Variants in ANLN observed in about 807,000 individuals in gnomAD.
ANLN encodes anillin, actin binding protein.
In ANLN, 59 loss-of-function variants were observed where a neutral mutation model predicts 135.1. That is an observed-to-expected ratio of 0.44 (90% CI 0.35 to 0.54). The LOEUF is 0.54. Ranked by LOEUF, ANLN falls within the 20% of genes least tolerant of loss-of-function variation. The pLI is 0.00. For missense variants in ANLN, 1,182 were observed against 1,340.0 expected (o/e 0.88, Z 1.84); for synonymous variants, 406 against 456.4 (o/e 0.89, Z 1.41).
At position 36,449,854 on chromosome 7, in the gene ANLN, A is replaced by G. The variant is rs369220471; in HGVS notation, c.3251+17A>G. ...TGTTACCAAGTATGTATTGGCCTAT[A>G]AATATTTCTATCAACTAAGCAATTG... is the stretch of plus-strand genomic sequence containing the variant. On this transcript the variant is annotated intron_variant, in intron 23 of 23. Coordinates refer to ENST00000265748, the MANE Select transcript of ANLN (RefSeq NM_018685.5). 3.1e-5 allele frequency: 50 copies of G among 1,605,724 alleles called. No homozygotes were observed. In the African/African-American group the frequency reaches 6.0e-4, roughly 19 times the overall value.
chr7:36,442,643 T>TA (rs1788820622), intron 21 of ANLN, among the ~76,000 whole-genome samples: 1 of 151,728 alleles, frequency 6.6e-6, no homozygotes, highest in African/African-American at 2.4e-5. Context: ...TTTTTATATA[T>TA]TTTTTTGAGA....
At position 36,420,203 on chromosome 7, in the gene ANLN, A is replaced by G; in HGVS notation, c.1904A>G (p.Asp635Gly). 1.9e-6 allele frequency: 3 copies of G among 1,614,064 alleles called. No individual in the cohort carries two copies. Among genetic ancestry groups the G allele is most frequent in the Non-Finnish European group, 1.7e-6 (2 of 1,179,962 alleles). ...LVSTPRLELK[D>G]TSRSDESPKP... Reference sequence around the variant, plus strand: ...TCCACACCTAGACTGGAATTGAAAGACACCAGCAGAAGTGATGAAAGTCCA... The same window carrying G: ...TCCACACCTAGACTGGAATTGAAAGGCACCAGCAGAAGTGATGAAAGTCCA... Residue 635 changes from aspartate (D) to glycine (G), a missense_variant, in exon 11 of 24, where the codon GAC becomes GGC. Around this residue, in one of 3 missense-constraint regions of ANLN, gnomAD observed 1,022 missense variants for 1,134.0 expected, o/e 0.90. Transcript: ENST00000265748.
rs7777303 is a variant in ANLN, at chr7:36,420,134, G to A, written c.1870-35G>A. 3,695 of 1,582,140 alleles carry A rather than the reference G, an allele frequency of 2.3e-3. 70 individuals are homozygous for A. In the African/African-American group the frequency reaches 0.043, roughly 18 times the overall value. On this transcript the variant is annotated intron_variant, in intron 10 of 23. Transcript: ENST00000265748. ...ACAGAATAAAATGAATTATCATTTA[G>A]GATCAATGTTAATATCTGATGCGTT...
At position 36,422,623 on chromosome 7, in the gene ANLN, T is replaced by C. The variant is rs1241560114; in HGVS notation, c.2300-10T>C. On this transcript the variant is annotated splice_polypyrimidine_tract_variant and intron_variant, in intron 13 of 23. Coordinates refer to ENST00000265748, the MANE Select transcript of ANLN (RefSeq NM_018685.5). ...TTTTAATATTTGGAATATTGCGTTG[T>C]TTTACATAGCTGGGAAGAGAACACT... The C allele has an allele frequency of 6.3e-7, 1 of 1,579,288 alleles. No individual in the cohort carries two copies. The highest frequency in any genetic ancestry group is 2.0e-5 in the Admixed American group (1 of 49,642).
At chr7:36,394,081 C>G (rs1786592649) in intron 1 of ANLN, among the ~76,000 whole-genome samples, 1 of 152,134 alleles carries the variant, frequency 6.6e-6, no homozygotes, top group Non-Finnish European at 1.5e-5. Flanking sequence ...TCAGCCACCC[C>G]ACCCCCCAGG....
intron 7 of ANLN, among the ~76,000 whole-genome samples, chr7:36,412,327 ATTT>A (rs1554343030): frequency 0.053 from 4,965 of 94,372 alleles, 114 homozygotes; most frequent in South Asian, 0.074. Context: ...ATATATATAT[ATTT>A]TTTTTTTTTT....
In ANLN at chr7:36,419,384, G is replaced by C; in HGVS notation, c.1774G>C (p.Ala592Pro). The C allele has an allele frequency of 6.2e-7, 1 of 1,614,152 alleles. No individual in the cohort carries two copies. Among genetic ancestry groups the C allele is most frequent in the Non-Finnish European group, 8.5e-7 (1 of 1,180,020 alleles). The change falls in exon 10 of 24, where the codon GCA becomes CCA. Residue 592 changes from alanine to proline, a missense_variant. Ala to Pro is a conservative substitution (Grantham distance 27). Around this residue, in one of 3 missense-constraint regions of ANLN, gnomAD observed 1,022 missense variants for 1,134.0 expected, o/e 0.90. Coordinates refer to ENST00000265748, the MANE Select transcript of ANLN (RefSeq NM_018685.5). ...KSQEEMDQALAESSEEQEDAL... is the reference protein window; with the variant it reads ...KSQEEMDQALPESSEEQEDAL... ...CCAAGAGGAGATGGATCAAGCATTA[G>C]CAGAAAGCAGCGAAGAACAGGAAGA...
Position 36,422,930 on chromosome 7 carries a change from G to A in ANLN, c.2476+121G>A, listed in dbSNP as rs192168860. 1,109 of 861,242 alleles carry A rather than the reference G, an allele frequency of 1.3e-3. 6 individuals carry two copies. The highest frequency in any genetic ancestry group is 2.5e-3 in the Admixed American group (88 of 35,400). 53.4% of individuals were successfully genotyped at this position (861,242 alleles called of 1,614,324 possible). A position where few individuals can be genotyped will look rare whatever the true frequency, so the allele number is the denominator to read the frequency against. On this transcript the variant is annotated intron_variant, in intron 14 of 23. Transcript: ENST00000265748. ...GCAAAGTTTGTATCTTTGGCCTTTA[G>A]GTCCTTTTATTGAGATATAATAAAA... is the stretch of plus-strand genomic sequence containing the variant.
At position 36,443,830 on chromosome 7, in the gene ANLN, T is replaced by C; in HGVS notation, c.3046T>C (p.Tyr1016His). Reference sequence around the variant, plus strand: ...TGTTCTTTCTGGAAACTGTATATCTTATTGGACTTATCCAGATGATGAGAA... The same window carrying C: ...TGTTCTTTCTGGAAACTGTATATCTCATTGGACTTATCCAGATGATGAGAA... ...WCVLSGNCISYWTYPDDEKRK... is the reference protein window; with the variant it reads ...WCVLSGNCISHWTYPDDEKRK... Residue 1016 changes from tyrosine to histidine, a missense_variant, in exon 22 of 24, where the codon TAT becomes CAT. Tyr to His is a moderately conservative substitution (Grantham distance 83, BLOSUM62 2). Transcript: ENST00000265748. 1 of 1,611,490 alleles carries C rather than the reference T, an allele frequency of 6.2e-7. No individual in the cohort carries two copies. Among genetic ancestry groups the C allele is most frequent in the Non-Finnish European group, 8.5e-7 (1 of 1,178,474 alleles).
chr7:36,406,959 A>G (rs1213529917), intron 4 of ANLN, among the ~76,000 whole-genome samples: 1 of 152,226 alleles, frequency 6.6e-6, no homozygotes, highest in African/African-American at 2.4e-5. Flanking sequence ...AATAGTAGCT[A>G]TAGTTGCCTC....
At chr7:36,430,953 CTT>C (rs1562811848) in intron 20 of ANLN, among the ~76,000 whole-genome samples, 1 of 152,124 alleles carries the variant, frequency 6.6e-6, no homozygotes, top group Non-Finnish European at 1.5e-5. Context: ...GGGTAGTAAA[CTT>C]GACGTTTTTG....
chr7:36,443,616 A>G, intron 21 of ANLN, 139 bp from the exon 22 acceptor site: 1 of 582,800 alleles, frequency 1.7e-6, no homozygotes, highest in Non-Finnish European at 3.1e-6. Context: ...AAGATAAAAG[A>G]CATGATAAAA....
At chr7:36,431,614 TATA>T (rs1196766160) in intron 20 of ANLN, among the ~76,000 whole-genome samples, 1,210 of 47,140 alleles carry the variant, frequency 0.026, 50 homozygotes, top group East Asian at 0.11. Context: ...TATATATATA[TATA>T]ATATATATAT....
chr7:36,419,190 C>T, intron 9 of ANLN, 54 bp from the exon 10 acceptor site: 2 of 1,337,242 alleles, frequency 1.5e-6, no homozygotes, highest in East Asian at 2.4e-5. Context: ...TTTGTTATGC[C>T]TTTAATTCTT....
In ANLN at chr7:36,424,666, T is replaced by A; in HGVS notation, c.2653-20T>A. The A allele has an allele frequency of 6.2e-7, 1 of 1,608,082 alleles. No individual in the cohort carries two copies. Among genetic ancestry groups the A allele is most frequent in the South Asian group, 1.1e-5 (1 of 89,296 alleles). On this transcript the variant is annotated intron_variant, in intron 16 of 23. Coordinates refer to ENST00000265748, the MANE Select transcript of ANLN (RefSeq NM_018685.5). ...ACAATATCAGATTATAAATTAATTA[T>A]GCTTTGGGTTTGTGCGTAGGTGCAA...
rs540386687 is a variant in ANLN at position 36,439,404 on chromosome 7, A to T, written c.2970+114A>T. On this transcript the variant is annotated intron_variant, in intron 21 of 23. Coordinates refer to ENST00000265748, the MANE Select transcript of ANLN (RefSeq NM_018685.5). ...TAAGTAATAAGTTGGTTCAGTAAAG[A>T]TTTGTTTTATGTCCTTTATATGCCA... is the stretch of plus-strand genomic sequence containing the variant. 4.6e-5 allele frequency: 30 copies of T among 648,712 alleles called. No individual in the cohort carries two copies. The African/African-American group carries it at 5.1e-4, about 11-fold the overall frequency. 40.2% of individuals were successfully genotyped at this position (648,712 alleles called of 1,614,324 possible). A position where few individuals can be genotyped will look rare whatever the true frequency, so the allele number is the denominator to read the frequency against.
rs1044648883 is a variant in ANLN, at chr7:36,401,986, A to G, written c.487+2593A>G. On this transcript the variant is annotated intron_variant, in intron 3 of 23. Transcript: ENST00000265748. ...CTACATAAGCTGCCCCTTAATGTGC[A>G]TGCAATTAAGAGTAGGTATAAATAT... Among the ~76,000 whole-genome samples, 6 of 118,184 alleles carry G rather than the reference A, an allele frequency of 5.1e-5. 2 individuals are homozygous for G. Among genetic ancestry groups the G allele is most frequent in the African/African-American group, 2.2e-4 (6 of 27,786 alleles). 77.5% of individuals were successfully genotyped at this position (118,184 alleles called of 152,430 possible).
At chr7:36,408,046 G>A (rs1787265802) in intron 5 of ANLN, 90 bp downstream of exon 5, 2 of 1,023,202 alleles carry the variant, frequency 2.0e-6, no homozygotes, top group South Asian at 3.3e-5. Flanking sequence ...GAATGGTACA[G>A]CAATGATTTG....
intron 20 of ANLN, among the ~76,000 whole-genome samples, chr7:36,430,109 A>G (rs1788252401): frequency 6.6e-6 from 1 of 152,240 alleles, no homozygotes; most frequent in South Asian, 2.1e-4. Context: ...TTAAGTTTGA[A>G]TGGTCTTGAA....
Sources: gnomAD v4.1 joint callset for allele counts (sites outside exome capture counted in the v4.1 genomes callset) on GRCh38, gnomAD v4.1.1 for gene constraint, gnomAD v4.1.1 regional missense constraint, MANE v1.5 for transcripts, NCBI Gene and HGNC (gene_info 2026-07-23, HGNC 2026-07-21) for gene names.